COL25A1: variants seen among roughly 807,000 people sequenced by gnomAD.
The protein encoded by COL25A1 is collagen alpha-1(XXV) chain.
In COL25A1, 103 loss-of-function variants were observed where a neutral mutation model predicts 128.4. The observed-to-expected ratio is 0.80, with a 90% confidence interval of 0.68 to 0.94. The LOEUF (loss-of-function observed/expected upper bound fraction) is 0.94, where lower values mean the gene tolerates loss of function less well. COL25A1 is among the 40% of genes least tolerant of loss of function. COL25A1 has a pLI of 0.00. For synonymous variants in COL25A1, 279 were observed against 277.2 expected (o/e 1.01, Z -0.06); for missense variants, 745 against 840.0 (o/e 0.89, Z 1.40).
At chr4:109,210,399 A>C (rs1395908420) in intron 3 of COL25A1, among the ~76,000 whole-genome samples, 1 of 152,178 alleles carries the variant, frequency 6.6e-6, no homozygotes, top group Non-Finnish European at 1.5e-5. Flanking sequence ...TCTAAGTTCA[A>C]AATAGTCGCT....
intron 3 of COL25A1, among the ~76,000 whole-genome samples, chr4:109,210,385 A>G (rs573913434): frequency 2.0e-5 from 3 of 152,304 alleles, no homozygotes; most frequent in Admixed American, 2.0e-4. Context: ...AAAAGAGATA[A>G]TGGTCTAAGT....
At chr4:108,924,236 C>T (rs1745785887) in intron 11 of COL25A1, among the ~76,000 whole-genome samples, 1 of 152,140 alleles carries the variant, frequency 6.6e-6, no homozygotes, top group Non-Finnish European at 1.5e-5. Flanking sequence ...CATCACTAAT[C>T]TGCATATAAA....
chr4:109,137,984 ATGTGTGTGTGTG>A lies in COL25A1; in HGVS notation c.368-87817_368-87806del, dbSNP rs10700157. ...AACAGAAATTTCATTTTATATATAT[ATGTGTGTGTGTG>A]TGTGTGTGTGTGTGTGTGTTGGGAT... On this transcript the variant is annotated intron_variant, in intron 3 of 37. Transcript: ENST00000399132. 7.7e-5 allele frequency among the ~76,000 whole-genome samples: 11 copies of A among 142,590 alleles called. No homozygotes were observed. The East Asian group carries it at 2.1e-3, about 27-fold the overall frequency. The allele number at this position is 142,590 out of a possible 152,430, so 93.5% of individuals were successfully genotyped here.
rs896967276 is a variant in COL25A1, at chr4:108,958,149, CA to C, written c.492+16217del. Among the ~76,000 whole-genome samples, 3 of 151,394 alleles carry C rather than the reference CA, an allele frequency of 2.0e-5. No individual in the cohort carries two copies. In the South Asian group the frequency reaches 6.2e-4, roughly 31 times the overall value. On this transcript the variant is annotated intron_variant, in intron 8 of 37. Coordinates refer to ENST00000399132, the MANE Select transcript of COL25A1 (RefSeq NM_198721.4). ...ATTTTTATATCAAGGTGGACACAAACAAAAAAAAATCAAATAATACTGACCC... is the reference window on the plus strand; with the variant it reads ...ATTTTTATATCAAGGTGGACACAAACAAAAAAAATCAAATAATACTGACCC...
intron 3 of COL25A1, among the ~76,000 whole-genome samples, chr4:109,224,407 A>G (rs1191326177): frequency 6.6e-6 from 1 of 152,180 alleles, no homozygotes; most frequent in Non-Finnish European, 1.5e-5. Flanking sequence ...TTATCCTTCT[A>G]AGTTCGGGCA....
intron 3 of COL25A1, among the ~76,000 whole-genome samples, chr4:109,271,355 T>G (rs910465902): frequency 2.6e-5 from 4 of 152,242 alleles, no homozygotes; most frequent in African/African-American, 9.6e-5. Context: ...AGCTGAAAAC[T>G]ATATTACATA....
At chr4:108,929,858 T>C (rs141940396) in intron 11 of COL25A1, among the ~76,000 whole-genome samples, 1 of 151,994 alleles carries the variant, frequency 6.6e-6, no homozygotes, top group East Asian at 1.9e-4. Context: ...AGAAGAAAAA[T>C]AAGAGCAATT....
intron 25 of COL25A1, 81 bp from the exon 26 acceptor site, chr4:108,852,361 C>A (rs1057455318): frequency 8.0e-6 from 8 of 998,394 alleles, no homozygotes; most frequent in African/African-American, 1.7e-5. Flanking sequence ...ACACTATACA[C>A]CTTCCTTATT....
chr4:109,149,722 T>C (rs1162105846), intron 3 of COL25A1, among the ~76,000 whole-genome samples: 2 of 152,226 alleles, frequency 1.3e-5, no homozygotes, highest in African/African-American at 2.4e-5. Flanking sequence ...TTGCAGCTTC[T>C]TTCTTAAACA....
At chr4:109,236,916 A>G (rs907025672) in intron 3 of COL25A1, among the ~76,000 whole-genome samples, 2 of 152,070 alleles carry the variant, frequency 1.3e-5, no homozygotes, top group Admixed American at 1.3e-4. Flanking sequence ...AAATTGTTTA[A>G]GTGTACAAAA....
In COL25A1 at chr4:108,809,161, T is replaced by C. The variant is rs1730603604; in HGVS notation, c.*4766A>G. On this transcript the variant is annotated 3_prime_UTR_variant, in exon 38 of 38. Coordinates refer to ENST00000399132, the MANE Select transcript of COL25A1 (RefSeq NM_198721.4). ...ACTGGCCCACAAACATTTAAAAAAA[T>C]ATGCAGTGTAATGCTTGCCAAAATA... The C allele has an allele frequency of 1.3e-5, 2 of 149,502 alleles. No individual in the cohort carries two copies. Among genetic ancestry groups the C allele is most frequent in the African/African-American group, 2.4e-5 (1 of 40,962 alleles). 9.3% of individuals were successfully genotyped at this position (149,502 alleles called of 1,614,324 possible).
chr4:109,233,901 T>C (rs866846567), intron 3 of COL25A1, among the ~76,000 whole-genome samples: 1 of 152,110 alleles, frequency 6.6e-6, no homozygotes, highest in Admixed American at 6.6e-5. Flanking sequence ...AGATCATAGC[T>C]ACTGCTTCCA....
intron 3 of COL25A1, among the ~76,000 whole-genome samples, chr4:109,289,522 T>C (rs902164313): frequency 6.6e-6 from 1 of 152,136 alleles, no homozygotes; most frequent in African/African-American, 2.4e-5. Flanking sequence ...CCATTGATGT[T>C]TTCTCAGTTA....
chr4:109,143,778 C>T (rs759591554), intron 3 of COL25A1, among the ~76,000 whole-genome samples: 9 of 152,066 alleles, frequency 5.9e-5, no homozygotes, highest in Admixed American at 4.6e-4. Context: ...CTGGTTATTC[C>T]AGTTAGCAAT....
At chr4:109,023,799 T>C (rs1757979684) in intron 5 of COL25A1, among the ~76,000 whole-genome samples, 1 of 152,180 alleles carries the variant, frequency 6.6e-6, no homozygotes, top group African/African-American at 2.4e-5. Flanking sequence ...AAACAAACCA[T>C]ACAGTCAAAA....
At chr4:109,017,014 G>T (rs1324854326) in intron 5 of COL25A1, among the ~76,000 whole-genome samples, 1 of 152,210 alleles carries the variant, frequency 6.6e-6, no homozygotes, top group Non-Finnish European at 1.5e-5. Flanking sequence ...CCTTCAGGGA[G>T]CCCAGACCTA....
At chr4:108,913,274 T>TTTTTTTTTTTTTTTTTTTG in intron 13 of COL25A1, among the ~76,000 whole-genome samples, 1 of 110,678 alleles carries the variant, frequency 9.0e-6, no homozygotes, top group Non-Finnish European at 2.1e-5. Flanking sequence ...TTTTTTTTTT[T>TTTTTTTTTTTTTTTTTTTG]TTTTTTTTTA....
chr4:108,931,197 A>G (rs1345897050), intron 11 of COL25A1, among the ~76,000 whole-genome samples: 2 of 152,240 alleles, frequency 1.3e-5, no homozygotes, highest in African/African-American at 2.4e-5. Flanking sequence ...CAGAACATAT[A>G]TAACAGATAC....
At chr4:109,020,091 T>TAGGG (rs1553916092) in intron 5 of COL25A1, among the ~76,000 whole-genome samples, 2 of 151,606 alleles carry the variant, frequency 1.3e-5, no homozygotes, top group East Asian at 3.9e-4. Context: ...AATGATATAC[T>TAGGG]AGAGAAGCAA....
Sources: allele counts gnomAD v4.1 joint callset (sites outside exome capture counted in the v4.1 genomes callset), GRCh38; gene constraint gnomAD v4.1.1; transcripts MANE v1.5; gene names NCBI Gene and HGNC (gene_info 2026-07-23, HGNC 2026-07-21).